ZNF407: variants seen among roughly 807,000 people sequenced by gnomAD.
ZNF407 encodes the protein zinc finger protein 407.
ZNF407 carries 17 observed loss-of-function variants against 131.2 expected under a neutral mutation model. The observed-to-expected ratio is 0.13, with a 90% CI of 0.09 to 0.19. The LOEUF is 0.19. Among genes scored for constraint, ZNF407 ranks in the 10% least tolerant of loss-of-function variants. The pLI, the probability that ZNF407 is intolerant of heterozygous loss-of-function variation, is 1.00. For missense variants in ZNF407, 2,681 were observed against 2,830.6 expected, an observed-to-expected ratio of 0.95 and a Z score of 1.20; for synonymous variants, 1,156 against 1,062.0, an observed-to-expected ratio of 1.09 and a Z score of -1.72.
At chr18:74,840,974 C>T (rs1440414025) in intron 4 of ZNF407, among the ~76,000 whole-genome samples, 1 of 152,198 alleles carries the variant, frequency 6.6e-6, no homozygotes, top group African/African-American at 2.4e-5. Flanking sequence ...CAGAGCTCCT[C>T]CCTGGTGCCT....
At chr18:75,026,574 G>C (rs2122213359) in intron 8 of ZNF407, among the ~76,000 whole-genome samples, 1 of 152,292 alleles carries the variant, frequency 6.6e-6, no homozygotes, top group South Asian at 2.1e-4. Flanking sequence ...TTTCAAACTA[G>C]TACAGCTTGA....
intron 4 of ZNF407, among the ~76,000 whole-genome samples, chr18:74,813,096 T>G (rs2145091047): frequency 6.6e-6 from 1 of 152,342 alleles, no homozygotes; most frequent in East Asian, 1.9e-4. Flanking sequence ...GATGGTGTGA[T>G]ATGACAAGAA....
intron 3 of ZNF407, among the ~76,000 whole-genome samples, chr18:74,741,273 C>T (rs557407460): frequency 6.6e-6 from 1 of 152,066 alleles, no homozygotes; most frequent in African/African-American, 2.4e-5. Flanking sequence ...CTTATGTGGA[C>T]TTATGTTCAC....
chr18:74,801,595 C>T (rs1970020457), intron 4 of ZNF407, among the ~76,000 whole-genome samples: 1 of 152,040 alleles, frequency 6.6e-6, no homozygotes, highest in Admixed American at 6.5e-5. Flanking sequence ...TCTACTTATC[C>T]CACCTGTAGT....
At chr18:74,739,966 G>A (rs1453095433) in intron 3 of ZNF407, among the ~76,000 whole-genome samples, 1 of 152,104 alleles carries the variant, frequency 6.6e-6, no homozygotes, top group Admixed American at 6.6e-5. Flanking sequence ...TACTAAGTCA[G>A]TCAGTGTTCT....
intron 3 of ZNF407, among the ~76,000 whole-genome samples, chr18:74,651,074 G>A (rs1985206099): frequency 6.6e-6 from 1 of 151,990 alleles, no homozygotes; most frequent in African/African-American, 2.4e-5. Flanking sequence ...AGTCTTTCTG[G>A]GTTGTTTTAG....
At chr18:74,739,935 A>G (rs555096746) in intron 3 of ZNF407, among the ~76,000 whole-genome samples, 3 of 152,296 alleles carry the variant, frequency 2.0e-5, no homozygotes, top group South Asian at 4.1e-4. Flanking sequence ...TGATACCTTT[A>G]TAGGCATTCA....
At chr18:74,761,897 G>A (rs1269164995) in intron 3 of ZNF407, among the ~76,000 whole-genome samples, 5 of 152,232 alleles carry the variant, frequency 3.3e-5, no homozygotes, top group Non-Finnish European at 7.4e-5. Flanking sequence ...GTATCTGTCT[G>A]TATACTTTTG....
At chr18:74,865,744 G>T (rs1971001581) in intron 4 of ZNF407, among the ~76,000 whole-genome samples, 1 of 152,062 alleles carries the variant, frequency 6.6e-6, no homozygotes, top group Non-Finnish European at 1.5e-5. Context: ...AATCTGTTTT[G>T]TAAAAAATTC....
At chr18:75,031,341 A>C (rs2122222602) in intron 8 of ZNF407, among the ~76,000 whole-genome samples, 1 of 152,266 alleles carries the variant, frequency 6.6e-6, no homozygotes, top group South Asian at 2.1e-4. Flanking sequence ...TGTTTAACTG[A>C]TTTTTTGCAT....
intron 1 of ZNF407, among the ~76,000 whole-genome samples, chr18:74,614,975 C>T (rs1983221428): frequency 6.6e-6 from 1 of 152,152 alleles, no homozygotes. Flanking sequence ...TTGCAGACTC[C>T]CTTGCAGCTA....
intron 2 of ZNF407, among the ~76,000 whole-genome samples, chr18:74,637,880 T>G (rs1984529961): frequency 6.6e-6 from 1 of 152,194 alleles, no homozygotes; most frequent in African/African-American, 2.4e-5. Context: ...TAAATGAGTT[T>G]TGGTTATCAA....
At chr18:74,868,520 ACTT>A (rs1156688870) in intron 4 of ZNF407, among the ~76,000 whole-genome samples, 2 of 152,210 alleles carry the variant, frequency 1.3e-5, no homozygotes, top group African/African-American at 4.8e-5. Context: ...CCAAAGCCAA[ACTT>A]CTTTAATTAT....
chr18:74,832,977 G>A (rs1970506001), intron 4 of ZNF407, among the ~76,000 whole-genome samples: 1 of 152,228 alleles, frequency 6.6e-6, no homozygotes, highest in Admixed American at 6.5e-5. Context: ...GCAGGAAGAA[G>A]AGGATTACTG....
rs1350444885 is a variant in ZNF407, at chr18:74,656,581, A to G, written c.4802+15459A>G. 2.0e-5 allele frequency among the ~76,000 whole-genome samples: 3 copies of G among 152,124 alleles called. No individual in the cohort carries two copies. In the Middle Eastern group the frequency reaches 0.01, roughly 521 times the overall value. On this transcript the variant is annotated intron_variant, in intron 3 of 8. Coordinates refer to ENST00000299687, the MANE Select transcript of ZNF407 (RefSeq NM_017757.3). ...ATACTTTGATTCTTAAACCATGGAG[A>G]TGTATGAGATGCCCTAGGGAGCACC...
chr18:74,965,006 T>A (rs987045954), intron 8 of ZNF407, among the ~76,000 whole-genome samples: 1 of 152,224 alleles, frequency 6.6e-6, no homozygotes, highest in African/African-American at 2.4e-5. Context: ...GTCTTAGATA[T>A]AGTGTACGTG....
At chr18:74,809,000 G>A (rs923686324) in intron 4 of ZNF407, among the ~76,000 whole-genome samples, 3 of 152,094 alleles carry the variant, frequency 2.0e-5, no homozygotes, top group Non-Finnish European at 2.9e-5. Context: ...AACACAGACC[G>A]AACCGTGGGT....
At chr18:75,038,775 G>A (rs1483354243) in intron 8 of ZNF407, among the ~76,000 whole-genome samples, 2 of 152,174 alleles carry the variant, frequency 1.3e-5, no homozygotes, top group Non-Finnish European at 2.9e-5. Flanking sequence ...TTCAATTACT[G>A]TATCACCTAA....
chr18:74,822,781 GT>G (rs949160228), intron 4 of ZNF407, among the ~76,000 whole-genome samples: 2 of 151,948 alleles, frequency 1.3e-5, no homozygotes, highest in Non-Finnish European at 2.9e-5. Context: ...GTTTAAAGTA[GT>G]TTTTTTTCCA....
Sources: gnomAD v4.1 joint callset for allele counts (sites outside exome capture counted in the v4.1 genomes callset) on GRCh38, gnomAD v4.1.1 for gene constraint, MANE v1.5 for transcripts, NCBI Gene and HGNC (gene_info 2026-07-23, HGNC 2026-07-21) for gene names.